Variants in TCTN3 observed in about 807,000 individuals in gnomAD.
The protein encoded by TCTN3 is tectonic-3.
Under a neutral mutation model 71.3 loss-of-function variants are expected in TCTN3, and 57 were observed. The ratio of observed to expected loss-of-function variants is 0.80; its 90% CI spans 0.65 to 1.00. TCTN3 has a LOEUF of 1.00. Ranked by LOEUF, TCTN3 falls within the 50% of genes least tolerant of loss-of-function variation. The pLI is 0.00. For missense variants in TCTN3, 696 were observed against 719.9 expected (o/e 0.97, Z 0.38); for synonymous variants, 258 against 267.8 (o/e 0.96, Z 0.36).
chr10:95,680,638 G>T, intron 12 of TCTN3, 29 bp from the exon 13 acceptor site: 1 of 1,606,142 alleles, frequency 6.2e-7, no homozygotes, highest in Non-Finnish European at 8.5e-7. Flanking sequence ...GCATCTGCTT[G>T]AATTGCCTGA....
intron 13 of TCTN3, among the ~76,000 whole-genome samples, chr10:95,667,498 G>C (rs1352874441): frequency 2.0e-5 from 3 of 152,172 alleles, no homozygotes; most frequent in Non-Finnish European, 4.4e-5. Context: ...GGTAACAGAG[G>C]AAGGGATGAG....
intron 13 of TCTN3, among the ~76,000 whole-genome samples, chr10:95,669,067 A>G (rs776229814): frequency 2.0e-5 from 3 of 152,236 alleles, no homozygotes; most frequent in Admixed American, 6.5e-5. Flanking sequence ...ATATTCACAT[A>G]AACATCATGA....
intron 13 of TCTN3, among the ~76,000 whole-genome samples, chr10:95,673,243 T>C (rs2097933534): frequency 1.3e-5 from 2 of 152,192 alleles, no homozygotes; most frequent in Admixed American, 1.3e-4. Flanking sequence ...GTTTCTTGTC[T>C]AAGAAATCTT....
chr10:95,687,803 G>A (rs1002947043), intron 3 of TCTN3, 84 bp from the exon 4 acceptor site: 3 of 1,480,134 alleles, frequency 2.0e-6, no homozygotes, highest in Middle Eastern at 2.4e-4. Flanking sequence ...TTTTATTGAA[G>A]CATAATATAC....
rs770170930 is a variant in TCTN3 at position 95,683,184 on chromosome 10, T to C, written c.1215A>G (p.Leu405=). 6.2e-7 allele frequency: 1 copy of C among 1,613,802 alleles called. No individual in the cohort carries two copies. Among genetic ancestry groups the C allele is most frequent in the Non-Finnish European group, 8.5e-7 (1 of 1,179,876 alleles). Residue 405 remains leucine, a synonymous_variant, in exon 11 of 14, where the codon TTA becomes TTG. Transcript: ENST00000371217. ...TDDISYSMTL[L]QSQGNGSCSV... is the part of the protein sequence containing the mutation. Reference sequence around the variant, plus strand: ...AGCAACTTCCATTACCCTGGCTCTGTAAGAGGGTCATCCAAGGTGGAAAAG... The same window carrying C: ...AGCAACTTCCATTACCCTGGCTCTGCAAGAGGGTCATCCAAGGTGGAAAAG...
intron 3 of TCTN3, among the ~76,000 whole-genome samples, chr10:95,691,052 G>A (rs1051437784): frequency 3.9e-5 from 6 of 152,230 alleles, no homozygotes; most frequent in African/African-American, 1.4e-4. Context: ...GCAGGATGGT[G>A]TCGGGGGCAG....
intron 13 of TCTN3, among the ~76,000 whole-genome samples, chr10:95,678,187 G>A (rs1024199865): frequency 4.6e-5 from 7 of 152,088 alleles, no homozygotes; most frequent in Admixed American, 3.3e-4. Context: ...AAAAGCTTTG[G>A]AAGATGTACA....
rs1566071715 is a variant in TCTN3, at chr10:95,682,805, C to T, written c.1299-1G>A. On this transcript the variant is annotated splice_acceptor_variant, in intron 11 of 13. Transcript: ENST00000371217. LOFTEE classifies it high-confidence loss of function. ...GTGGCTGCAGTCTGCCTTCTTCAAC[C>T]TATAATTAAACACCATGGAGGCTGC... 2 of 1,613,340 alleles carry T rather than the reference C, an allele frequency of 1.2e-6. No homozygotes were observed. Among genetic ancestry groups the T allele is most frequent in the South Asian group, 1.1e-5 (1 of 90,958 alleles).
At position 95,664,280 on chromosome 10, in the gene TCTN3, T is replaced by G; in HGVS notation, c.1611A>C (p.Glu537Asp). The G allele has an allele frequency of 6.2e-7, 1 of 1,613,980 alleles. No homozygotes were observed. Among genetic ancestry groups the G allele is most frequent in the Non-Finnish European group, 8.5e-7 (1 of 1,179,844 alleles). The change falls in exon 14 of 14, where the codon GAA (glutamate) becomes GAC (aspartate). Residue 537 changes from glutamate (E) to aspartate (D), a missense_variant. Coordinates refer to ENST00000371217, the MANE Select transcript of TCTN3 (RefSeq NM_015631.6). ...QSIQDSQQVT[E>D]VSLTTLVNFV... is the part of the protein sequence containing the mutation. Reference sequence around the variant, plus strand: ...AGTTCACAAGAGTTGTCAAAGATACTTCTGTAACTTGCTGAGAATCCTACG... The same window carrying G: ...AGTTCACAAGAGTTGTCAAAGATACGTCTGTAACTTGCTGAGAATCCTACG...
chr10:95,688,675 A>C (rs1052086351), intron 3 of TCTN3, among the ~76,000 whole-genome samples: 2 of 152,194 alleles, frequency 1.3e-5, no homozygotes, highest in Non-Finnish European at 2.9e-5. Flanking sequence ...CTTAAGCCTT[A>C]TAATTCCTCC....
intron 13 of TCTN3, among the ~76,000 whole-genome samples, chr10:95,670,503 C>T (rs745994263): frequency 8.6e-5 from 13 of 150,766 alleles, no homozygotes; most frequent in Non-Finnish European, 1.3e-4. Context: ...GAGGCTCAGG[C>T]GTGTGCCACC....
intron 13 of TCTN3, among the ~76,000 whole-genome samples, chr10:95,676,329 A>C (rs1261610092): frequency 2.0e-5 from 3 of 149,068 alleles, no homozygotes; most frequent in Non-Finnish European, 4.4e-5. Context: ...ATCTTTGCTC[A>C]CTGCAACCTC....
chr10:95,675,965 T>A (rs992478453), intron 13 of TCTN3, among the ~76,000 whole-genome samples: 1 of 152,198 alleles, frequency 6.6e-6, no homozygotes, highest in African/African-American at 2.4e-5. Flanking sequence ...AAGTCAATAG[T>A]GTTAAATAGA....
chr10:95,689,088 C>G (rs1388500755), intron 3 of TCTN3, among the ~76,000 whole-genome samples: 1 of 152,182 alleles, frequency 6.6e-6, no homozygotes, highest in African/African-American at 2.4e-5. Context: ...AATTACCTGA[C>G]TTTTCAGCTT....
At chr10:95,668,255 CAAA>C (rs374400684) in intron 13 of TCTN3, among the ~76,000 whole-genome samples, 2,050 of 120,096 alleles carry the variant, frequency 0.017, 16 homozygotes, top group Middle Eastern at 0.041. Context: ...ATAGGAGTGC[CAAA>C]AAAAAAAAAA....
At chr10:95,670,061 CAAAAAAA>C (rs34609339) in intron 13 of TCTN3, among the ~76,000 whole-genome samples, 4 of 81,086 alleles carry the variant, frequency 4.9e-5, no homozygotes, top group Admixed American at 1.5e-4. Flanking sequence ...GACTCCGTCT[CAAAAAAA>C]AAAAAAAAAA....
chr10:95,692,012 C>T (rs138893862), intron 3 of TCTN3, among the ~76,000 whole-genome samples: 1 of 152,326 alleles, frequency 6.6e-6, no homozygotes, highest in East Asian at 1.9e-4. Flanking sequence ...GGCATAGACT[C>T]ATTTGTCAAA....
At chr10:95,683,652 T>G in intron 9 of TCTN3, 23 bp from the exon 10 acceptor site, 1 of 1,582,058 alleles carries the variant, frequency 6.3e-7, no homozygotes, top group Non-Finnish European at 8.6e-7. Context: ...GGAAGAGAAG[T>G]CAATTATGGA....
At chr10:95,678,048 A>C (rs2097939164) in intron 13 of TCTN3, among the ~76,000 whole-genome samples, 2 of 152,212 alleles carry the variant, frequency 1.3e-5, no homozygotes, top group Admixed American at 1.3e-4. Context: ...TAGATATTCT[A>C]AGCTGACCAA....
Sources: allele counts gnomAD v4.1 joint callset (sites outside exome capture counted in the v4.1 genomes callset), GRCh38; gene constraint gnomAD v4.1.1; transcripts MANE v1.5; gene names NCBI Gene and HGNC (gene_info 2026-07-23, HGNC 2026-07-21).